Variants in CCDC91 observed in about 807,000 individuals in gnomAD.
CCDC91 encodes the protein coiled-coil domain containing 91.
CCDC91 carries 48 observed loss-of-function variants against 63.2 expected under a neutral mutation model. The ratio of observed to expected loss-of-function variants is 0.76; its 90% CI spans 0.60 to 0.97. The LOEUF is 0.97. Among genes scored for constraint, CCDC91 ranks in the 50% least tolerant of loss-of-function variants. The pLI, the probability that CCDC91 is intolerant of heterozygous loss-of-function variation, is 0.00. For synonymous variants in CCDC91, 167 were observed against 165.8 expected, an observed-to-expected ratio of 1.01 and a Z score of -0.06; for missense variants, 500 against 494.6, an observed-to-expected ratio of 1.01 and a Z score of -0.10.
intron 12 of CCDC91, among the ~76,000 whole-genome samples, chr12:28,543,349 C>T (rs1030256453): frequency 3.3e-5 from 5 of 152,086 alleles, no homozygotes; most frequent in African/African-American, 9.7e-5. Flanking sequence ...TGTTCTCTTA[C>T]AAGATCATGT....
At chr12:28,451,882 A>G (rs890607605) in intron 10 of CCDC91, among the ~76,000 whole-genome samples, 4 of 151,644 alleles carry the variant, frequency 2.6e-5, no homozygotes, top group African/African-American at 9.7e-5. Context: ...TCTGTGTGAG[A>G]CTGGGTTTTC....
At chr12:28,507,027 T>C (rs907834388) in intron 12 of CCDC91, among the ~76,000 whole-genome samples, 18 of 151,948 alleles carry the variant, frequency 1.2e-4, no homozygotes, top group Admixed American at 9.9e-4. Context: ...TTTTCTCTGA[T>C]GCAAATTCAT....
At chr12:28,540,570 A>G (rs1330333626) in intron 12 of CCDC91, among the ~76,000 whole-genome samples, 3 of 152,160 alleles carry the variant, frequency 2.0e-5, no homozygotes, top group African/African-American at 7.2e-5. Flanking sequence ...TGGGTGTCAT[A>G]TGCACCTGGA....
intron 1 of CCDC91, among the ~76,000 whole-genome samples, chr12:28,244,208 G>A (rs1193660514): frequency 6.6e-6 from 1 of 152,126 alleles, no homozygotes; most frequent in Non-Finnish European, 1.5e-5. Context: ...TTGATAATCA[G>A]CATAAATTCA....
intron 7 of CCDC91, among the ~76,000 whole-genome samples, chr12:28,371,499 C>T (rs556255762): frequency 6.6e-6 from 1 of 152,290 alleles, no homozygotes; most frequent in South Asian, 2.1e-4. Context: ...TATATTTTCC[C>T]ATCCTTTTAC....
chr12:28,396,242 G>T (rs1441309025), intron 8 of CCDC91, among the ~76,000 whole-genome samples: 3 of 152,076 alleles, frequency 2.0e-5, no homozygotes, highest in Admixed American at 6.5e-5. Flanking sequence ...TTTCATTTGA[G>T]AAAATATAAG....
At chr12:28,366,992 G>A (rs543019015) in intron 7 of CCDC91, among the ~76,000 whole-genome samples, 1 of 152,096 alleles carries the variant, frequency 6.6e-6, no homozygotes, top group Admixed American at 6.6e-5. Context: ...TTTCTCGGCT[G>A]GAGTGGTGTC....
intron 8 of CCDC91, among the ~76,000 whole-genome samples, chr12:28,406,315 C>T (rs1565923041): frequency 1.3e-5 from 2 of 151,190 alleles, no homozygotes; most frequent in Admixed American, 1.3e-4. Context: ...TTGAGAAAGT[C>T]GTTATTAGTG....
chr12:28,520,494 G>C (rs1490648931), intron 12 of CCDC91, among the ~76,000 whole-genome samples: 1 of 152,094 alleles, frequency 6.6e-6, no homozygotes, highest in Non-Finnish European at 1.5e-5. Flanking sequence ...TGGGTAGATT[G>C]CAAAAATTTT....
At chr12:28,279,039 A>G (rs898211414) in intron 3 of CCDC91, among the ~76,000 whole-genome samples, 3 of 151,972 alleles carry the variant, frequency 2.0e-5, no homozygotes, top group Admixed American at 2.0e-4. Context: ...AAATGTGTAT[A>G]TATGCTTGAT....
chr12:28,233,802 A>G (rs11049473), intron 1 of CCDC91, among the ~76,000 whole-genome samples: 12,477 of 152,090 alleles, frequency 0.082, 1,055 homozygotes, highest in East Asian at 0.46. Context: ...ATAAGGTTAT[A>G]TAGACATGAG....
At position 28,489,878 on chromosome 12, in the gene CCDC91, A is replaced by G. The variant is rs148708838; in HGVS notation, c.1215+5713A>G. Among the ~76,000 whole-genome samples, 5 of 152,060 alleles carry G rather than the reference A, an allele frequency of 3.3e-5. No individual in the cohort carries two copies. The East Asian group carries it at 9.7e-4, about 30-fold the overall frequency. On this transcript the variant is annotated intron_variant, in intron 12 of 12. Transcript: ENST00000536442. The stretch of plus-strand genomic sequence containing the variant: ...TCTGACCAGTTACACAGTTACTTGA[A>G]TAAACCATTATTTCAATATAAGTTA...
At chr12:28,310,228 C>T (rs1188863053) in intron 6 of CCDC91, among the ~76,000 whole-genome samples, 4 of 151,168 alleles carry the variant, frequency 2.6e-5, no homozygotes, top group Admixed American at 2.0e-4. Context: ...TATTCTGGAC[C>T]CTTTAGTGAG....
intron 3 of CCDC91, among the ~76,000 whole-genome samples, chr12:28,279,457 T>C (rs1948456149): frequency 6.6e-6 from 1 of 152,110 alleles, no homozygotes; most frequent in Non-Finnish European, 1.5e-5. Context: ...GAAGACTTAC[T>C]GGCCTAGATT....
chr12:28,388,686 C>G (rs193295757), intron 7 of CCDC91, among the ~76,000 whole-genome samples: 9 of 152,214 alleles, frequency 5.9e-5, no homozygotes, highest in Admixed American at 5.9e-4. Flanking sequence ...CTGCCAACAG[C>G]AGCCTACAAA....
At chr12:28,527,349 G>C (rs2036165588) in intron 12 of CCDC91, among the ~76,000 whole-genome samples, 1 of 152,180 alleles carries the variant, frequency 6.6e-6, no homozygotes, top group African/African-American at 2.4e-5. Context: ...CCCGAGAGCT[G>C]AGCTGTAATG....
intron 12 of CCDC91, among the ~76,000 whole-genome samples, chr12:28,544,711 T>A (rs1272467587): frequency 1.3e-5 from 2 of 152,076 alleles, no homozygotes; most frequent in Non-Finnish European, 2.9e-5. Flanking sequence ...CCAATTAAAA[T>A]AAGCCAGATG....
intron 12 of CCDC91, among the ~76,000 whole-genome samples, chr12:28,540,856 A>G (rs1942579204): frequency 6.6e-6 from 1 of 152,030 alleles, no homozygotes; most frequent in Admixed American, 6.6e-5. Flanking sequence ...TTTGGGGGAA[A>G]CCAGCTGCCA....
In CCDC91 at chr12:28,548,833, TAAC is replaced by T. The variant is rs557835417; in HGVS notation, c.1216-229_1216-227del. Among the ~76,000 whole-genome samples the T allele has an allele frequency of 1.3e-4, 20 of 152,312 alleles. No individual in the cohort carries two copies. The East Asian group carries it at 3.3e-3, about 25-fold the overall frequency. ...GATCAAATGTATGATATTTCTCTAA[TAAC>T]TGAGTAACAACATCAGTTATAAAAC... On this transcript the variant is annotated intron_variant, in intron 12 of 12. Transcript: ENST00000536442.
Sources: allele counts gnomAD v4.1 joint callset (sites outside exome capture counted in the v4.1 genomes callset), GRCh38; gene constraint gnomAD v4.1.1; transcripts MANE v1.5; gene names NCBI Gene and HGNC (gene_info 2026-07-23, HGNC 2026-07-21).